HNF4G: variants seen among roughly 807,000 people sequenced by gnomAD.
HNF4G encodes the protein hepatocyte nuclear factor 4-gamma.
In HNF4G, 21 loss-of-function variants were observed where a neutral mutation model predicts 50.9. The ratio of observed to expected loss-of-function variants is 0.41; its 90% CI spans 0.29 to 0.59. HNF4G has a LOEUF of 0.59. Among genes scored for constraint, HNF4G ranks in the 20% least tolerant of loss-of-function variants. The pLI, the probability that HNF4G is intolerant of heterozygous loss-of-function variation, is 0.26. For missense variants in HNF4G, 527 were observed against 559.4 expected, an observed-to-expected ratio of 0.94 and a Z score of 0.58; for synonymous variants, 198 against 185.6, an observed-to-expected ratio of 1.07 and a Z score of -0.54.
chr8:75,481,593 A>T (rs1437123813), intron 1 of HNF4G, among the ~76,000 whole-genome samples: 1 of 152,174 alleles, frequency 6.6e-6, no homozygotes, highest in African/African-American at 2.4e-5. Flanking sequence ...TCTGATAAGC[A>T]CGAGTAGGGC....
intron 1 of HNF4G, among the ~76,000 whole-genome samples, chr8:75,471,161 G>A (rs947302266): frequency 6.6e-6 from 1 of 152,154 alleles, no homozygotes; most frequent in African/African-American, 2.4e-5. Flanking sequence ...CACAGTGCAA[G>A]GATATTAAAA....
chr8:75,558,757 A>AC, intron 7 of HNF4G, 44 bp from the exon 8 acceptor site: 2 of 1,577,636 alleles, frequency 1.3e-6, no homozygotes, highest in Non-Finnish European at 1.7e-6. Context: ...CTCACACTGT[A>AC]ATTAGGTTAA....
intron 1 of HNF4G, among the ~76,000 whole-genome samples, chr8:75,451,407 A>T (rs1009638220): frequency 2.0e-5 from 3 of 151,914 alleles, no homozygotes; most frequent in African/African-American, 7.3e-5. Flanking sequence ...AAAAAAAAAA[A>T]TTATTGCCCA....
At chr8:75,448,438 A>AG (rs1325956814) in intron 1 of HNF4G, among the ~76,000 whole-genome samples, 1 of 83,302 alleles carries the variant, frequency 1.2e-5, no homozygotes, top group African/African-American at 6.7e-5. Flanking sequence ...AAAAAAAAAA[A>AG]AAAAAAGTGT....
intron 1 of HNF4G, among the ~76,000 whole-genome samples, chr8:75,420,760 C>T (rs186873119): frequency 3.9e-5 from 6 of 152,180 alleles, no homozygotes; most frequent in Admixed American, 1.3e-4. Flanking sequence ...CAGCAGCAGA[C>T]GGTTGAGTGG....
At chr8:75,530,383 C>G (rs182188094) in intron 2 of HNF4G, among the ~76,000 whole-genome samples, 2 of 151,334 alleles carry the variant, frequency 1.3e-5, no homozygotes, top group African/African-American at 4.9e-5. Flanking sequence ...ATTTATTATA[C>G]TCAGGCAGGC....
chr8:75,538,183 A>C (rs1312639037), upstream of HNF4G, among the ~76,000 whole-genome samples: 1 of 152,174 alleles, frequency 6.6e-6, no homozygotes, highest in East Asian at 1.9e-4. Flanking sequence ...ACTAACATGC[A>C]TGGGGCACAG....
At chr8:75,556,855 G>A (rs1386734050) in intron 6 of HNF4G, among the ~76,000 whole-genome samples, 1 of 152,114 alleles carries the variant, frequency 6.6e-6, no homozygotes, top group African/African-American at 2.4e-5. Context: ...CTATGTAAAT[G>A]CACTGGTCTA....
chr8:75,453,729 T>A (rs1019804529), intron 1 of HNF4G, among the ~76,000 whole-genome samples: 3 of 152,188 alleles, frequency 2.0e-5, no homozygotes, highest in Admixed American at 2.0e-4. Flanking sequence ...ACACTGGGAC[T>A]AAGACCTTGA....
At chr8:75,420,388 T>C (rs943791665) in intron 1 of HNF4G, among the ~76,000 whole-genome samples, 1 of 152,258 alleles carries the variant, frequency 6.6e-6, no homozygotes, top group Non-Finnish European at 1.5e-5. Flanking sequence ...TTTCTCATTG[T>C]ACTAGGAATA....
chr8:75,548,419 A>C (rs939197174), intron 3 of HNF4G, among the ~76,000 whole-genome samples: 1 of 152,174 alleles, frequency 6.6e-6, no homozygotes, highest in African/African-American at 2.4e-5. Context: ...CAATTTTCCA[A>C]ACACTGTTCT....
intron 1 of HNF4G, among the ~76,000 whole-genome samples, chr8:75,472,532 AGTC>A (rs1212825293): frequency 6.6e-6 from 1 of 152,234 alleles, no homozygotes; most frequent in Non-Finnish European, 1.5e-5. Context: ...ACTAGAACTC[AGTC>A]GTTCTTTGCC....
chr8:75,495,085 G>A (rs1812733807), intron 2 of HNF4G, among the ~76,000 whole-genome samples: 1 of 152,118 alleles, frequency 6.6e-6, no homozygotes, highest in Non-Finnish European at 1.5e-5. Context: ...AAAAATGGCA[G>A]AGATTTTGGA....
intron 2 of HNF4G, among the ~76,000 whole-genome samples, chr8:75,498,019 G>A (rs915477892): frequency 1.2e-4 from 18 of 151,958 alleles, no homozygotes; most frequent in Admixed American, 2.6e-4. Context: ...GGGACACTTA[G>A]AATTTTTAAG....
intron 6 of HNF4G, among the ~76,000 whole-genome samples, chr8:75,557,033 A>T (rs1249802791): frequency 1.3e-5 from 2 of 152,198 alleles, no homozygotes; most frequent in Non-Finnish European, 2.9e-5. Context: ...ATTCTAAACC[A>T]CATAATGTGA....
At chr8:75,459,616 G>T (rs1207037525) in intron 1 of HNF4G, among the ~76,000 whole-genome samples, 7 of 152,144 alleles carry the variant, frequency 4.6e-5, no homozygotes, top group Admixed American at 2.0e-4. Context: ...GAAAAGACAA[G>T]TGAACTCTGC....
At chr8:75,461,321 T>C (rs551306209) in intron 1 of HNF4G, among the ~76,000 whole-genome samples, 8 of 152,254 alleles carry the variant, frequency 5.3e-5, no homozygotes, top group African/African-American at 1.9e-4. Flanking sequence ...TTTGGCTCCA[T>C]TCCTTGGCCC....
chr8:75,410,478 T>C (rs1272351679), intron 1 of HNF4G, among the ~76,000 whole-genome samples: 1 of 152,188 alleles, frequency 6.6e-6, no homozygotes, highest in Non-Finnish European at 1.5e-5. Flanking sequence ...TAAATACACT[T>C]GAATATACCA....
intron 1 of HNF4G, among the ~76,000 whole-genome samples, chr8:75,461,862 T>C (rs1477187766): frequency 8.1e-6 from 1 of 123,720 alleles, no homozygotes; most frequent in Non-Finnish European, 1.6e-5. Flanking sequence ...GTCATGTGAA[T>C]ATGGTCTCTT....
Sources: allele counts gnomAD v4.1 joint callset (sites outside exome capture counted in the v4.1 genomes callset), GRCh38; gene constraint gnomAD v4.1.1; transcripts MANE v1.5; gene names NCBI Gene and HGNC (gene_info 2026-07-23, HGNC 2026-07-21).